The following MCTP2 variants were observed in gnomAD, a reference collection of about 807,000 sequenced individuals.
MCTP2 encodes the protein multiple C2 and transmembrane domain containing 2.
A neutral mutation model predicts 111.6 loss-of-function variants in MCTP2; 132 were observed. The observed-to-expected ratio is 1.18, with a 90% CI of 1.03 to 1.37. The LOEUF (loss-of-function observed/expected upper bound fraction) is 1.37. MCTP2 is among the 40% of genes most tolerant of loss of function. The probability of loss-of-function intolerance (pLI) is 0.00; values close to 1 mark genes in which losing one functional copy is unlikely to be tolerated. For synonymous variants in MCTP2, 395 were observed against 387.7 expected, an observed-to-expected ratio of 1.02 and a Z score of -0.22; for missense variants, 1,183 against 1,067.9, an observed-to-expected ratio of 1.11 and a Z score of -1.50.
chr15:94,315,420 A>T, intron 3 of MCTP2, 109 bp from the exon 4 acceptor site: 58 of 681,988 alleles, frequency 8.5e-5, no homozygotes, highest in Non-Finnish European at 1.4e-4. Flanking sequence ...ATGACAGTCG[A>T]TCATCATAGT....
intron 4 of MCTP2, among the ~76,000 whole-genome samples, chr15:94,335,066 T>G (rs2077292548): frequency 6.6e-6 from 1 of 152,202 alleles, no homozygotes; most frequent in Admixed American, 6.5e-5. Context: ...GGTGCCAGCT[T>G]TCTCCTCAGT....
chr15:94,337,166 A>G (rs892771171), intron 4 of MCTP2, among the ~76,000 whole-genome samples: 1 of 152,094 alleles, frequency 6.6e-6, no homozygotes, highest in Admixed American at 6.5e-5. Flanking sequence ...CCTTCTCTCA[A>G]ATTTTCCCTA....
At chr15:94,325,896 T>C (rs1367759537) in intron 4 of MCTP2, among the ~76,000 whole-genome samples, 1 of 143,046 alleles carries the variant, frequency 7.0e-6, no homozygotes, top group Non-Finnish European at 1.5e-5. Flanking sequence ...CTCGGCTCAC[T>C]GCAACCTCTG....
At chr15:94,362,246 A>G (rs1374284440) in intron 10 of MCTP2, among the ~76,000 whole-genome samples, 3 of 152,346 alleles carry the variant, frequency 2.0e-5, no homozygotes, top group Non-Finnish European at 4.4e-5. Flanking sequence ...TTTAAACATA[A>G]TGTCAAGAGT....
intron 12 of MCTP2, among the ~76,000 whole-genome samples, chr15:94,378,806 G>A (rs933115890): frequency 1.3e-5 from 2 of 152,188 alleles, no homozygotes; most frequent in Non-Finnish European, 2.9e-5. Context: ...AAGGCTGGAC[G>A]TACATGAAAA....
chr15:94,360,285 T>C (rs1299830726), intron 10 of MCTP2, among the ~76,000 whole-genome samples: 4 of 152,180 alleles, frequency 2.6e-5, no homozygotes, highest in Non-Finnish European at 5.9e-5. Flanking sequence ...ACCCACTTCC[T>C]GTGGTCCTGT....
intron 19 of MCTP2, among the ~76,000 whole-genome samples, chr15:94,443,384 C>G (rs886456656): frequency 9.8e-5 from 15 of 152,334 alleles, no homozygotes; most frequent in Middle Eastern, 3.4e-3. Context: ...GCGTTTTCAG[C>G]TATATGTCTG....
At chr15:94,323,406 AC>A (rs1168137067) in intron 4 of MCTP2, among the ~76,000 whole-genome samples, 1 of 152,222 alleles carries the variant, frequency 6.6e-6, no homozygotes, top group Non-Finnish European at 1.5e-5. Context: ...CATGCTTAAT[AC>A]CCATGAATAA....
chr15:94,314,790 C>T (rs1023463758), intron 3 of MCTP2: 8 of 455,622 alleles, frequency 1.8e-5, no homozygotes, highest in Admixed American at 9.5e-5. Flanking sequence ...TATTCAAAAA[C>T]AGACTTGAAT....
At chr15:94,326,687 C>T (rs571151907) in intron 4 of MCTP2, among the ~76,000 whole-genome samples, 1 of 152,122 alleles carries the variant, frequency 6.6e-6, no homozygotes, top group South Asian at 2.1e-4. Flanking sequence ...CCTGCCTCAG[C>T]CTCCTGAGTA....
At position 94,358,513 on chromosome 15, in the gene MCTP2, A is replaced by G. The variant is rs1185192692; in HGVS notation, c.1202A>G (p.Gln401Arg). ...TLCKSANPQW[Q>R]EQFDFHYFSD... ...TGTAAGAGTGCAAATCCGCAGTGGC[A>G]GGAACAGTTTGACTTTCACTACTTC... Residue 401 changes from glutamine to arginine, a missense_variant, in exon 10 of 23, where the codon CAG (glutamine) becomes CGG (arginine). Physicochemically the swap from Gln to Arg is conservative, Grantham distance 43. Coordinates refer to ENST00000357742, the MANE Select transcript of MCTP2 (RefSeq NM_001385001.1). 1 of 1,613,702 alleles carries G rather than the reference A, an allele frequency of 6.2e-7. No homozygotes were observed. Among genetic ancestry groups the G allele is most frequent in the Admixed American group, 1.7e-5 (1 of 59,996 alleles).
At chr15:94,236,377 C>CTTTTTTTTTTTTTTTTTTTTTTTTTT (rs71132992) in intron 1 of MCTP2, among the ~76,000 whole-genome samples, 2 of 72,464 alleles carry the variant, frequency 2.8e-5, no homozygotes, top group Non-Finnish European at 5.1e-5. Flanking sequence ...TCTTTTTTTT[C>CTTTTTTTTTTTTTTTTTTTTTTTTTT]TTTTTTTTTT....
chr15:94,408,740 A>G (rs746111857), intron 17 of MCTP2, among the ~76,000 whole-genome samples: 1 of 152,250 alleles, frequency 6.6e-6, no homozygotes, highest in East Asian at 1.9e-4. Flanking sequence ...GTGATTCCAG[A>G]CAGAATCATA....
intron 17 of MCTP2, among the ~76,000 whole-genome samples, chr15:94,435,626 A>ATTCTTTTTTTTTTTTT (rs2083426917): frequency 7.6e-6 from 1 of 132,256 alleles, no homozygotes; most frequent in Non-Finnish European, 1.6e-5. Context: ...TACTTTTTTT[A>ATTCTTTTTTTTTTTTT]TTCTTTTTTT....
At chr15:94,402,040 T>G in intron 17 of MCTP2, 21 bp downstream of exon 17, 1 of 1,607,398 alleles carries the variant, frequency 6.2e-7, no homozygotes, top group East Asian at 2.2e-5. Context: ...TTTCTTATGT[T>G]CAAACTATTT....
chr15:94,416,842 A>T lies in MCTP2; in HGVS notation c.2085+14823A>T, dbSNP rs972216678. Among the ~76,000 whole-genome samples, 12 of 152,278 alleles carry T rather than the reference A, an allele frequency of 7.9e-5. No homozygotes were observed. In the South Asian group the frequency reaches 2.5e-3, roughly 32 times the overall value. On this transcript the variant is annotated intron_variant, in intron 17 of 22. Transcript: ENST00000357742. ...TGATTGTCAGTATGAAATAAATGGGAAAAGGGATTTCTCCCCTTCCTCGTC... is the reference window on the plus strand; with the variant it reads ...TGATTGTCAGTATGAAATAAATGGGTAAAGGGATTTCTCCCCTTCCTCGTC...
At chr15:94,285,848 T>A (rs2074727291) in intron 1 of MCTP2, among the ~76,000 whole-genome samples, 1 of 152,202 alleles carries the variant, frequency 6.6e-6, no homozygotes, top group Non-Finnish European at 1.5e-5. Context: ...GAAGATAGGA[T>A]CTTACTTCTC....
intron 20 of MCTP2, among the ~76,000 whole-genome samples, chr15:94,458,617 G>T (rs1051210280): frequency 6.6e-6 from 1 of 152,114 alleles, no homozygotes; most frequent in Non-Finnish European, 1.5e-5. Flanking sequence ...CTGAACCACA[G>T]AACTTAGTAA....
chr15:94,242,179 AAAGACT>A (rs1386729528), intron 1 of MCTP2, among the ~76,000 whole-genome samples: 1 of 152,122 alleles, frequency 6.6e-6, no homozygotes, highest in Non-Finnish European at 1.5e-5. Flanking sequence ...GTTACTGGGG[AAAGACT>A]GGGTTTTGAA....
Sources: gnomAD v4.1 joint callset for allele counts (sites outside exome capture counted in the v4.1 genomes callset) on GRCh38, gnomAD v4.1.1 for gene constraint, MANE v1.5 for transcripts, NCBI Gene and HGNC (gene_info 2026-07-23, HGNC 2026-07-21) for gene names.